MBD5: variants seen among roughly 807,000 people sequenced by gnomAD.
MBD5 encodes the protein methyl-CpG binding domain protein 5.
Under a neutral mutation model 117.3 loss-of-function variants are expected in MBD5, and 13 were observed. The observed-to-expected ratio is 0.11, with a 90% confidence interval of 0.07 to 0.18. MBD5 has a LOEUF of 0.18. MBD5 is among the 10% of genes least tolerant of loss of function. The pLI is 1.00. For synonymous variants in MBD5, 727 were observed against 766.4 expected (o/e 0.95, Z 0.85); for missense variants, 1,879 against 2,093.8 (o/e 0.90, Z 2.00).
intron 1 of MBD5, among the ~76,000 whole-genome samples, chr2:148,136,645 T>C (rs1697178229): frequency 6.6e-6 from 1 of 152,234 alleles, no homozygotes; most frequent in South Asian, 2.1e-4. Flanking sequence ...GTTACTTGGC[T>C]AACATGTGAA....
At chr2:148,267,552 A>C (rs1318081312) in intron 3 of MBD5, among the ~76,000 whole-genome samples, 1 of 152,174 alleles carries the variant, frequency 6.6e-6, no homozygotes, top group East Asian at 1.9e-4. Flanking sequence ...ATTACTGACA[A>C]AGCTAAAGCC....
At chr2:148,488,531 C>T (rs1455996874) in intron 10 of MBD5, among the ~76,000 whole-genome samples, 2 of 151,466 alleles carry the variant, frequency 1.3e-5, no homozygotes, top group Non-Finnish European at 2.9e-5. Context: ...GCTGATGTGT[C>T]GACAGATCCC....
intron 4 of MBD5, among the ~76,000 whole-genome samples, chr2:148,357,041 A>T (rs2105276239): frequency 6.6e-6 from 1 of 152,312 alleles, no homozygotes; most frequent in South Asian, 2.1e-4. Context: ...TAACATTAGA[A>T]GATGCAAGCC....
At chr2:148,473,144 T>C (rs1680849399) in intron 8 of MBD5, among the ~76,000 whole-genome samples, 2 of 152,176 alleles carry the variant, frequency 1.3e-5, no homozygotes, top group Admixed American at 1.3e-4. Context: ...TTGTTAACTA[T>C]TGATATACTT....
intron 2 of MBD5, among the ~76,000 whole-genome samples, chr2:148,200,270 C>T (rs562564433): frequency 6.6e-5 from 10 of 151,686 alleles, no homozygotes; most frequent in East Asian, 1.9e-4. Flanking sequence ...TACGCAACAC[C>T]GAGGCAGGGT....
chr2:148,248,668 A>T (rs1433203864), intron 3 of MBD5, among the ~76,000 whole-genome samples: 1 of 152,102 alleles, frequency 6.6e-6, no homozygotes, highest in African/African-American at 2.4e-5. Flanking sequence ...GAAATATGAG[A>T]TTAAAGATAA....
At chr2:148,371,898 C>T (rs1703863656) in intron 4 of MBD5, among the ~76,000 whole-genome samples, 1 of 152,070 alleles carries the variant, frequency 6.6e-6, no homozygotes, top group Admixed American at 6.6e-5. Context: ...ATTGAATACA[C>T]TATTGAAAAA....
intron 4 of MBD5, among the ~76,000 whole-genome samples, chr2:148,433,109 T>G (rs1574418609): frequency 6.6e-6 from 1 of 152,154 alleles, no homozygotes; most frequent in East Asian, 1.9e-4. Context: ...TCTTAGGTAT[T>G]TTATTCTTTT....
chr2:148,390,437 G>A (rs1042505986), intron 4 of MBD5, among the ~76,000 whole-genome samples: 1 of 149,478 alleles, frequency 6.7e-6, no homozygotes, highest in African/African-American at 2.5e-5. Context: ...ATATATATAT[G>A]TGTGTATATA....
At chr2:148,364,869 T>C (rs188512966) in intron 4 of MBD5, among the ~76,000 whole-genome samples, 13 of 152,264 alleles carry the variant, frequency 8.5e-5, no homozygotes, top group Non-Finnish European at 1.8e-4. Flanking sequence ...ACAAAGAGAC[T>C]TAAACTGCCA....
At chr2:148,353,497 G>T (rs143752225) in intron 4 of MBD5, among the ~76,000 whole-genome samples, 1,625 of 151,914 alleles carry the variant, frequency 0.011, 31 homozygotes, top group African/African-American at 0.037. Flanking sequence ...TTAACAACAC[G>T]CACACAAACA....
At chr2:148,269,766 A>T (rs1233029980) in intron 3 of MBD5, among the ~76,000 whole-genome samples, 6 of 146,026 alleles carry the variant, frequency 4.1e-5, no homozygotes, top group African/African-American at 1.5e-4. Flanking sequence ...ATCTTCTATT[A>T]TATCTACTGT....
At chr2:148,351,989 A>G (rs1341712236) in intron 4 of MBD5, among the ~76,000 whole-genome samples, 1 of 152,016 alleles carries the variant, frequency 6.6e-6, no homozygotes, top group Non-Finnish European at 1.5e-5. Context: ...TTGTCGTTGG[A>G]TACTGGCAGG....
intron 1 of MBD5, among the ~76,000 whole-genome samples, chr2:148,147,941 A>G (rs1215385460): frequency 6.6e-6 from 1 of 152,182 alleles, no homozygotes; most frequent in Non-Finnish European, 1.5e-5. Flanking sequence ...ACAAGTCACC[A>G]TACATGGCTC....
At chr2:148,171,081 C>T (rs1187791229) in intron 1 of MBD5, among the ~76,000 whole-genome samples, 1 of 152,182 alleles carries the variant, frequency 6.6e-6, no homozygotes, top group African/African-American at 2.4e-5. Context: ...ACCAGTCCTT[C>T]TCAAACTCTT....
At chr2:148,486,232 CTG>C (rs1404239172) in intron 10 of MBD5, among the ~76,000 whole-genome samples, 4 of 152,104 alleles carry the variant, frequency 2.6e-5, no homozygotes, top group Non-Finnish European at 5.9e-5. Context: ...GTTCTCATGA[CTG>C]AGACTCACCT....
At position 148,256,986 on chromosome 2, in the gene MBD5, G is replaced by A. The variant is rs565741852; in HGVS notation, c.-680+23591G>A. Among the ~76,000 whole-genome samples the A allele has an allele frequency of 1.3e-5, 2 of 152,310 alleles. 1 individual carries two copies. Among genetic ancestry groups the A allele is most frequent in the South Asian group, 4.1e-4 (2 of 4,830 alleles). ...CGTTACCCATGAATGCACCCATCCT[G>A]CTATAGGCTAAGTCATCCACACGAT... On this transcript the variant is annotated intron_variant, in intron 3 of 13. Transcript: ENST00000642680.
intron 12 of MBD5, among the ~76,000 whole-genome samples, chr2:148,508,831 A>G (rs901896435): frequency 6.6e-6 from 1 of 152,184 alleles, no homozygotes; most frequent in African/African-American, 2.4e-5. Context: ...TTTATTTAGC[A>G]AATACATAGA....
At chr2:148,074,591 TC>T (rs1695454230) in intron 1 of MBD5, among the ~76,000 whole-genome samples, 1 of 142,490 alleles carries the variant, frequency 7.0e-6, no homozygotes, top group African/African-American at 2.6e-5. Flanking sequence ...ACCTCTGCCC[TC>T]CCCGGGTTCA....
Sources: gnomAD v4.1 joint callset for allele counts (sites outside exome capture counted in the v4.1 genomes callset) on GRCh38, gnomAD v4.1.1 for gene constraint, MANE v1.5 for transcripts, NCBI Gene and HGNC (gene_info 2026-07-23, HGNC 2026-07-21) for gene names.